Variants in RASGEF1A observed in about 807,000 individuals in gnomAD.
The protein encoded by RASGEF1A is ras-GEF domain-containing family member 1A.
RASGEF1A carries 18 observed loss-of-function variants against 56.4 expected under a neutral mutation model. The observed-to-expected ratio is 0.32, with a 90% confidence interval of 0.22 to 0.47. RASGEF1A has a LOEUF of 0.47. Among genes scored for constraint, RASGEF1A ranks in the 20% least tolerant of loss-of-function variants. The pLI, the probability that RASGEF1A is intolerant of heterozygous loss-of-function variation, is 1.00. For missense variants in RASGEF1A, 422 were observed against 627.1 expected, an observed-to-expected ratio of 0.67 and a Z score of 3.49; for synonymous variants, 245 against 242.6, an observed-to-expected ratio of 1.01 and a Z score of -0.09.
At chr10:43,252,074 G>A (rs192616028) in intron 1 of RASGEF1A, among the ~76,000 whole-genome samples, 3 of 152,214 alleles carry the variant, frequency 2.0e-5, no homozygotes, top group South Asian at 4.1e-4. Flanking sequence ...GGGTGAGGAC[G>A]CAGAGGGCAC....
rs140135374 is a variant in RASGEF1A, at chr10:43,202,104, C to T, written c.322-159G>A. On this transcript the variant is annotated intron_variant, in intron 3 of 12. Transcript: ENST00000395810. ...ACCTGCGGTTTGGCCAAACCTGAAC[C>T]GCCACATGACTCCTGTTTGGTTCCT... Among the ~76,000 whole-genome samples the T allele has an allele frequency of 3.9e-5, 6 of 152,280 alleles. No homozygotes were observed. The East Asian group carries it at 5.8e-4, about 15-fold the overall frequency.
At chr10:43,208,630 C>G in intron 1 of RASGEF1A, 1 of 985,644 alleles carries the variant, frequency 1.0e-6, no homozygotes, top group Non-Finnish European at 1.2e-6. Context: ...AGGTGGGGTG[C>G]TCTGGGTTCC....
intron 1 of RASGEF1A, among the ~76,000 whole-genome samples, chr10:43,266,080 T>C (rs1836618017): frequency 6.6e-6 from 1 of 152,138 alleles, no homozygotes; most frequent in Non-Finnish European, 1.5e-5. Context: ...GCGGCCTCTC[T>C]GTAAATATCC....
At chr10:43,222,425 A>G (rs1384149247) in intron 1 of RASGEF1A, among the ~76,000 whole-genome samples, 1 of 152,154 alleles carries the variant, frequency 6.6e-6, no homozygotes, top group Non-Finnish European at 1.5e-5. Context: ...TCTAGGGACA[A>G]GAGAGAGGCT....
At chr10:43,203,528 G>A (rs1839944511) in intron 2 of RASGEF1A, 108 bp from the exon 3 acceptor site, 2 of 1,423,544 alleles carry the variant, frequency 1.4e-6, no homozygotes, top group African/African-American at 1.5e-5. Flanking sequence ...AGCACCGCCG[G>A]TCCCGAGGCC....
chr10:43,208,728 G>T (rs767201530), intron 1 of RASGEF1A: 1 of 985,446 alleles, frequency 1.0e-6, no homozygotes, highest in Non-Finnish European at 1.2e-6. Flanking sequence ...CTGCAGGTCT[G>T]GGGGATGCCC....
intron 1 of RASGEF1A, among the ~76,000 whole-genome samples, chr10:43,246,868 C>T (rs893323821): frequency 1.1e-4 from 17 of 152,294 alleles, no homozygotes; most frequent in Admixed American, 2.0e-4. Flanking sequence ...GCAATAGTTT[C>T]GTAAATATGA....
intron 1 of RASGEF1A, among the ~76,000 whole-genome samples, chr10:43,227,633 G>A (rs1840298155): frequency 6.6e-6 from 1 of 152,104 alleles, no homozygotes; most frequent in African/African-American, 2.4e-5. Context: ...AGGAGGCAGG[G>A]CAGCAAGGAG....
At chr10:43,248,291 G>A (rs1007325344) in intron 1 of RASGEF1A, among the ~76,000 whole-genome samples, 41 of 150,112 alleles carry the variant, frequency 2.7e-4, no homozygotes, top group Non-Finnish European at 3.2e-4. Flanking sequence ...GGGTGACAGA[G>A]GTTGCAGTGA....
chr10:43,216,075 A>C (rs922781949), intron 1 of RASGEF1A, among the ~76,000 whole-genome samples: 1 of 152,132 alleles, frequency 6.6e-6, no homozygotes, highest in Admixed American at 6.5e-5. Flanking sequence ...ACATGCACTG[A>C]CTGATGATGT....
intron 1 of RASGEF1A, among the ~76,000 whole-genome samples, chr10:43,263,366 A>G (rs1240734605): frequency 6.6e-6 from 1 of 152,174 alleles, no homozygotes; most frequent in Admixed American, 6.5e-5. Flanking sequence ...GTGAGGATTC[A>G]GAGTGAGCAG....
chr10:43,244,721 G>A (rs1334565563), intron 1 of RASGEF1A, among the ~76,000 whole-genome samples: 1 of 152,056 alleles, frequency 6.6e-6, no homozygotes, highest in African/African-American at 2.4e-5. Flanking sequence ...GAAACCACAA[G>A]GGAATTCTCA....
chr10:43,266,918 CCGGCGG>C lies in RASGEF1A; in HGVS notation c.-86_-81del, dbSNP rs1836635931. ...GGCCCCGAGCAGCGCGCGGCCGGCG[CCGGCGG>C]CGGCTCATGCTCGGCGCCCGGGCCC... On this transcript the variant is annotated 5_prime_UTR_variant, in exon 1 of 13. Transcript: ENST00000395810. 1 of 146,042 alleles carries C rather than the reference CCGGCGG, an allele frequency of 6.8e-6. No homozygotes were observed. Among genetic ancestry groups the C allele is most frequent in the African/African-American group, 2.5e-5 (1 of 40,778 alleles). The allele number at this position is 146,042 out of a possible 1,614,324, so 9.0% of individuals were successfully genotyped here. A position where few individuals can be genotyped will look rare whatever the true frequency, so the allele number is the denominator to read the frequency against.
intron 1 of RASGEF1A, among the ~76,000 whole-genome samples, chr10:43,248,361 C>CT (rs976884237): frequency 2.8e-5 from 2 of 71,048 alleles, no homozygotes; most frequent in African/African-American, 1.1e-4. Flanking sequence ...GAGACTCGGT[C>CT]TTTAAAAAAA....
At chr10:43,243,729 G>A (rs1252338906) in intron 1 of RASGEF1A, among the ~76,000 whole-genome samples, 6 of 148,110 alleles carry the variant, frequency 4.1e-5, no homozygotes, top group South Asian at 2.2e-4. Context: ...GGAAGTGGGC[G>A]CCTCTGCCCG....
At chr10:43,203,185 T>C (rs1588929101) in intron 3 of RASGEF1A, 113 bp downstream of exon 3, 1 of 613,626 alleles carries the variant, frequency 1.6e-6, no homozygotes, top group Non-Finnish European at 2.1e-6. Flanking sequence ...ACTCTAGCCC[T>C]GACCCCATCC....
chr10:43,229,990 G>C (rs1840341732), intron 1 of RASGEF1A, among the ~76,000 whole-genome samples: 2 of 151,974 alleles, frequency 1.3e-5, no homozygotes, highest in African/African-American at 4.8e-5. Flanking sequence ...CTAGGTGTGG[G>C]GGCGCCGTAG....
intron 1 of RASGEF1A, among the ~76,000 whole-genome samples, chr10:43,261,345 G>C (rs2133232067): frequency 6.6e-6 from 1 of 152,328 alleles, no homozygotes; most frequent in African/African-American, 2.4e-5. Flanking sequence ...AGAGGAGGAA[G>C]GGGCACGGGG....
chr10:43,196,655 G>A lies in RASGEF1A; in HGVS notation c.1349-107C>T, dbSNP rs776621544. On this transcript the variant is annotated intron_variant, in intron 11 of 12. Coordinates refer to ENST00000395810, the MANE Select transcript of RASGEF1A (RefSeq NM_145313.4). This position sits in a 1 kb window ranked among gnomAD's most constrained non-coding sequence, Gnocchi z 4.6. ...CCAGCACAAGGGGACAGTGACCTCT[G>A]GCTGGGCTGAACACAGTTCTCTGCT... 1.2e-5 allele frequency: 13 copies of A among 1,082,908 alleles called. No homozygotes were observed. The highest frequency in any genetic ancestry group is 2.5e-5 in the South Asian group (2 of 79,546). 67.1% of individuals were successfully genotyped at this position (1,082,908 alleles called of 1,614,324 possible).
Sources: gnomAD v4.1 joint callset for allele counts (sites outside exome capture counted in the v4.1 genomes callset) on GRCh38, gnomAD v4.1.1 for gene constraint, Gnocchi (gnomAD v3.1) non-coding constraint, MANE v1.5 for transcripts, NCBI Gene and HGNC (gene_info 2026-07-23, HGNC 2026-07-21) for gene names.